The following MYBPH variants were observed in gnomAD, a reference collection of about 807,000 sequenced individuals.
The protein encoded by MYBPH is myosin binding protein H, also known as myosin-binding protein H.
Under a neutral mutation model 53.6 loss-of-function variants are expected in MYBPH, and 49 were observed. The observed-to-expected ratio is 0.91, with a 90% CI of 0.73 to 1.16. The LOEUF is 1.16. Ranked by LOEUF, MYBPH falls within the 50% of genes most tolerant of loss-of-function variation. MYBPH has a pLI of 0.00. For synonymous variants in MYBPH, 239 were observed against 249.6 expected, an observed-to-expected ratio of 0.96 and a Z score of 0.40; for missense variants, 558 against 624.1, an observed-to-expected ratio of 0.89 and a Z score of 1.13.
rs1162618845 is a variant in MYBPH at position 203,174,414 on chromosome 1, C to T, written c.508+16G>A. On this transcript the variant is annotated intron_variant, in intron 3 of 10. Coordinates refer to ENST00000255416, the MANE Select transcript of MYBPH (RefSeq NM_004997.3). The stretch of plus-strand genomic sequence containing the variant: ...TTGGGAAGGGCTGGGTAGCTGAAGG[C>T]CAGGATGGGCTTTACCAATGTTCTC... 2 of 1,563,760 alleles carry T rather than the reference C, an allele frequency of 1.3e-6. No homozygotes were observed. Among genetic ancestry groups the T allele is most frequent in the East Asian group, 4.6e-5 (2 of 43,820 alleles).
chr1:203,171,909 G>A lies in MYBPH; in HGVS notation c.597+43C>T. On this transcript the variant is annotated intron_variant, in intron 4 of 10. Coordinates refer to ENST00000255416, the MANE Select transcript of MYBPH (RefSeq NM_004997.3). This position sits in a 1 kb window ranked among gnomAD's most constrained non-coding sequence, Gnocchi z 4.2. The stretch of plus-strand genomic sequence containing the variant: ...CAGGCTCCCCTTAAATGGGGGCCCT[G>A]GTTCCCACCCAGGCTGTTACCCTTG... 8.1e-7 allele frequency: 1 copy of A among 1,239,766 alleles called. No homozygotes were observed. Among genetic ancestry groups the A allele is most frequent in the African/African-American group, 1.5e-5 (1 of 65,042 alleles). The allele number at this position is 1,239,766 out of a possible 1,614,324, so 76.8% of individuals were successfully genotyped here.
Position 203,171,397 on chromosome 1 carries a change from T to C in MYBPH, c.779A>G (p.Asp260Gly), listed in dbSNP as rs1655692907. Residue 260 changes from aspartate (D) to glycine (G), a missense_variant, in exon 5 of 11, where the codon GAC becomes GGC. Physicochemically the swap from Asp to Gly is moderately conservative, Grantham distance 94 (BLOSUM62 -1). Transcript: ENST00000255416. The surrounding 1 kb of genome is among the most constrained non-coding windows in gnomAD (Gnocchi z 4.2). ...TGGCTCCATACCAATCACCAGGATGTCAATGACTGCCTTGGCCTCCAGGTC... is the reference window on the plus strand; with the variant it reads ...TGGCTCCATACCAATCACCAGGATGCCAATGACTGCCTTGGCCTCCAGGTC... Reference protein sequence around the residue: ...VEDLEAKAVIDILVIEKPGPP... With the variant: ...VEDLEAKAVIGILVIEKPGPP... 1 of 1,613,040 alleles carries C rather than the reference T, an allele frequency of 6.2e-7. No homozygotes were observed. Among genetic ancestry groups the C allele is most frequent in the Non-Finnish European group, 8.5e-7 (1 of 1,179,600 alleles).
chr1:203,169,949 G>T (rs1181438011), intron 7 of MYBPH, among the ~76,000 whole-genome samples: 4 of 152,218 alleles, frequency 2.6e-5, no homozygotes, highest in Admixed American at 6.5e-5. Flanking sequence ...CCAGCCATGC[G>T]CAGGTCACCC....
At chr1:203,177,472 C>G (rs1436456688), upstream of MYBPH, among the ~76,000 whole-genome samples, 2 of 152,210 alleles carry the variant, frequency 1.3e-5, no homozygotes, top group African/African-American at 2.4e-5. Context: ...CTGGGGACAC[C>G]AGGGTGTGGC....
chr1:203,170,183 C>T, intron 7 of MYBPH, 108 bp downstream of exon 7: 2 of 1,388,496 alleles, frequency 1.4e-6, no homozygotes, highest in Non-Finnish European at 2.0e-6. Context: ...GGCAAGTGTT[C>T]CAGGGGCAGA....
At chr1:203,178,763 G>C (rs1239624975), upstream of MYBPH, among the ~76,000 whole-genome samples, 7 of 152,226 alleles carry the variant, frequency 4.6e-5, no homozygotes, top group Admixed American at 4.6e-4. Flanking sequence ...ATCTGAGGAC[G>C]CTGGCCTCCC....
intron 3 of MYBPH, 104 bp downstream of exon 3, chr1:203,174,326 G>A (rs1292481376): frequency 6.8e-6 from 10 of 1,478,874 alleles, no homozygotes; most frequent in Middle Eastern, 1.9e-4. Context: ...AGCGTGGGAC[G>A]GGGGAAATGA....
chr1:203,172,439 A>C (rs190838485), intron 3 of MYBPH, among the ~76,000 whole-genome samples: 226 of 152,234 alleles, frequency 1.5e-3, no homozygotes, highest in African/African-American at 5.0e-3. Context: ...ACTTCTAGGA[A>C]GGGGAGGCCA....
Position 203,171,540 on chromosome 1 carries a change from G to A in MYBPH, c.636C>T (p.Gly212=), listed in dbSNP as rs752107343. Residue 212 remains glycine (G), a synonymous_variant, in exon 5 of 11, where the codon GGC becomes GGT. Coordinates refer to ENST00000255416, the MANE Select transcript of MYBPH (RefSeq NM_004997.3). This position sits in a 1 kb window ranked among gnomAD's most constrained non-coding sequence, Gnocchi z 4.2. ...TCACCCGCTGGCTGTCCAGGGCATG[G>A]CCGTTGTGGGTCCATGTGGCCTGAG... ...PKPQATWTHN[G]HALDSQRVSM... is the part of the protein sequence containing the mutation. 6.2e-7 allele frequency: 1 copy of A among 1,613,332 alleles called. No individual in the cohort carries two copies. The highest frequency in any genetic ancestry group is 8.5e-7 in the Non-Finnish European group (1 of 1,179,914).
upstream of MYBPH, among the ~76,000 whole-genome samples, chr1:203,178,458 C>G (rs1256230047): frequency 6.6e-6 from 1 of 152,180 alleles, no homozygotes; most frequent in African/African-American, 2.4e-5. Context: ...TGCAGGGACT[C>G]CAGTCCCGAG....
In MYBPH at chr1:203,171,508, C is replaced by T. The variant is rs749355783; in HGVS notation, c.668G>A (p.Arg223His). The stretch of plus-strand genomic sequence containing the variant: ...GAGGATGGAGTCCTGGTCCCCGGTG[C>T]GCATGCTCACCCGCTGGCTGTCCAG... ...HALDSQRVSMRTGDQDSILFI... is the reference protein window; with the variant it reads ...HALDSQRVSMHTGDQDSILFI... Residue 223 changes from arginine to histidine, a missense_variant, in exon 5 of 11, where the codon CGC becomes CAC. Transcript: ENST00000255416. This position sits in a 1 kb window ranked among gnomAD's most constrained non-coding sequence, Gnocchi z 4.2. 31 of 1,613,702 alleles carry T rather than the reference C, an allele frequency of 1.9e-5. No homozygotes were observed. The highest frequency in any genetic ancestry group is 1.7e-5 in the Non-Finnish European group (20 of 1,180,006).
intron 6 of MYBPH, 71 bp downstream of exon 6, chr1:203,170,990 A>G (rs578056118): frequency 6.6e-7 from 1 of 1,509,806 alleles, no homozygotes; most frequent in South Asian, 1.3e-5. Context: ...CCCTAGACTC[A>G]GTGGGATGGG....
At position 203,175,804 on chromosome 1, in the gene MYBPH, T is replaced by C; in HGVS notation, c.-49A>G. On this transcript the variant is annotated 5_prime_UTR_variant, in exon 1 of 11. Coordinates refer to ENST00000255416, the MANE Select transcript of MYBPH (RefSeq NM_004997.3). ...GGTGGAGTGTGCAGGGGTCAGCCGT[T>C]GGGGGGCCTGGGCCTCTAGGGTGCC... is the stretch of plus-strand genomic sequence containing the variant. 6.3e-7 allele frequency: 1 copy of C among 1,592,434 alleles called. No individual in the cohort carries two copies.
intron 10 of MYBPH, 45 bp from the exon 11 acceptor site, chr1:203,168,136 C>T (rs1247647678): frequency 1.6e-5 from 3 of 190,186 alleles, no homozygotes; most frequent in African/African-American, 4.8e-5. Context: ...GAGCAGAGCT[C>T]GGCTGCAGGC....
intron 3 of MYBPH, among the ~76,000 whole-genome samples, chr1:203,172,663 C>T (rs1655723093): frequency 6.6e-6 from 1 of 152,226 alleles, no homozygotes; most frequent in Middle Eastern, 3.2e-3. Flanking sequence ...GGAAGTCCTT[C>T]TTGAAGTCCT....
chr1:203,169,470 T>G, intron 7 of MYBPH, 81 bp from the exon 8 acceptor site: 1 of 1,523,740 alleles, frequency 6.6e-7, no homozygotes, highest in South Asian at 1.2e-5. Flanking sequence ...TGATTCAAGA[T>G]CTATGGATAG....
chr1:203,174,899 G>T (rs1005616754), intron 2 of MYBPH, among the ~76,000 whole-genome samples: 1 of 152,076 alleles, frequency 6.6e-6, no homozygotes, highest in African/African-American at 2.4e-5. Flanking sequence ...CATGGAGGGG[G>T]ACAGTGGCAG....
chr1:203,173,781 C>A (rs1487986142), intron 3 of MYBPH, among the ~76,000 whole-genome samples: 2 of 152,238 alleles, frequency 1.3e-5, no homozygotes, highest in South Asian at 2.1e-4. Flanking sequence ...TCAGATCAGA[C>A]CAAATGACTC....
rs367660311 is a variant in MYBPH at position 203,171,335 on chromosome 1, G to A, written c.793+48C>T. On this transcript the variant is annotated intron_variant, in intron 5 of 10. Coordinates refer to ENST00000255416, the MANE Select transcript of MYBPH (RefSeq NM_004997.3). This position sits in a 1 kb window ranked among gnomAD's most constrained non-coding sequence, Gnocchi z 4.2. The stretch of plus-strand genomic sequence containing the variant: ...CCATCAGCTCTGGGATAGGAGGTTG[G>A]GGGCTCCAGGTCCCCCATGAGACAG... 5 of 1,580,692 alleles carry A rather than the reference G, an allele frequency of 3.2e-6. No individual in the cohort carries two copies. The highest frequency in any genetic ancestry group is 4.3e-6 in the Non-Finnish European group (5 of 1,160,502).
Sources: allele counts gnomAD v4.1 joint callset (sites outside exome capture counted in the v4.1 genomes callset), GRCh38; gene constraint gnomAD v4.1.1; non-coding constraint Gnocchi (gnomAD v3.1); transcripts MANE v1.5; gene names NCBI Gene and HGNC (gene_info 2026-07-23, HGNC 2026-07-21).